The following CTDSPL2 variants were observed in gnomAD, a reference collection of about 807,000 sequenced individuals.
The protein encoded by CTDSPL2 is CTD small phosphatase like 2.
CTDSPL2 carries 5 observed loss-of-function variants against 60.0 expected under a neutral mutation model. The observed-to-expected ratio is 0.08, with a 90% CI of 0.04 to 0.18. The LOEUF is 0.18. Ranked by LOEUF, CTDSPL2 falls within the 10% of genes least tolerant of loss-of-function variation. The pLI, the probability that CTDSPL2 is intolerant of heterozygous loss-of-function variation, is 1.00. For synonymous variants in CTDSPL2, 186 were observed against 189.3 expected (o/e 0.98, Z 0.14); for missense variants, 370 against 548.8 (o/e 0.67, Z 3.26).
intron 2 of CTDSPL2, among the ~76,000 whole-genome samples, chr15:44,474,326 A>G (rs1034067611): frequency 3.3e-5 from 5 of 152,036 alleles, no homozygotes; most frequent in African/African-American, 1.2e-4. Flanking sequence ...CCCTATCTCT[A>G]ATAAAGTACA....
intron 2 of CTDSPL2, among the ~76,000 whole-genome samples, chr15:44,470,097 CAAAAAAAAA>C (rs886463524): frequency 5.5e-5 from 3 of 54,152 alleles, no homozygotes; most frequent in Admixed American, 2.0e-4. Flanking sequence ...GACTCTGTCT[CAAAAAAAAA>C]AAAAAAAAAA....
intron 1 of CTDSPL2, among the ~76,000 whole-genome samples, chr15:44,444,074 T>A (rs1333456363): frequency 6.6e-6 from 1 of 151,542 alleles, no homozygotes; most frequent in Admixed American, 6.6e-5. Context: ...CCTGGCTAAT[T>A]TTTTTAGTTT....
At chr15:44,442,950 C>G (rs1285621021) in intron 1 of CTDSPL2, among the ~76,000 whole-genome samples, 3 of 151,764 alleles carry the variant, frequency 2.0e-5, no homozygotes, top group Admixed American at 2.0e-4. Flanking sequence ...GCACTCCAGC[C>G]TGGGTGACAG....
At chr15:44,523,388 CTACATACATACATACATACATACA>C (rs61461067) in intron 12 of CTDSPL2, among the ~76,000 whole-genome samples, 5,724 of 145,088 alleles carry the variant, frequency 0.039, 158 homozygotes, top group Non-Finnish European at 0.058. Flanking sequence ...GACCTCATCT[CTACATACATACATACATACATACA>C]TACATACATA....
intron 2 of CTDSPL2, among the ~76,000 whole-genome samples, chr15:44,464,648 TCTGC>T (rs2140717506): frequency 6.6e-6 from 1 of 152,294 alleles, no homozygotes; most frequent in South Asian, 2.1e-4. Flanking sequence ...ATGGTCTGTG[TCTGC>T]ATCTTTACAG....
At chr15:44,451,696 G>C (rs919362533) in intron 1 of CTDSPL2, among the ~76,000 whole-genome samples, 5 of 151,990 alleles carry the variant, frequency 3.3e-5, no homozygotes, top group Admixed American at 2.6e-4. Flanking sequence ...TCTGATTCTT[G>C]ATTTTTCTCC....
intron 10 of CTDSPL2, among the ~76,000 whole-genome samples, chr15:44,516,444 CTT>C (rs1234340024): frequency 6.6e-6 from 1 of 152,100 alleles, no homozygotes; most frequent in Non-Finnish European, 1.5e-5. Flanking sequence ...GCTGTGGTAT[CTT>C]TTGTTTTTTA....
In CTDSPL2 at chr15:44,490,888, T is replaced by A; in HGVS notation, c.580T>A (p.Ser194Thr). 1.2e-6 allele frequency: 2 copies of A among 1,614,004 alleles called. No individual in the cohort carries two copies. Residue 194 changes from serine to threonine, a missense_variant, in exon 5 of 13, where the codon TCA becomes ACA. Around this residue, in one of 6 missense-constraint regions of CTDSPL2, gnomAD observed 287 missense variants for 296.1 expected, o/e 0.97. Coordinates refer to ENST00000260327, the MANE Select transcript of CTDSPL2 (RefSeq NM_016396.3). ...TGAGATCACTACCAGTACTACTACA[T>A]CAACTAATGGAGCAGCTTACTCAAA... ...VDEITTSTTT[S>T]TNGAAYSNQA...
chr15:44,521,726 C>T (rs901408529), intron 12 of CTDSPL2, among the ~76,000 whole-genome samples: 3 of 151,636 alleles, frequency 2.0e-5, no homozygotes, highest in Non-Finnish European at 4.4e-5. Context: ...ATCACGAGGT[C>T]AGGAGATCGA....
chr15:44,470,780 T>C (rs961919410), intron 2 of CTDSPL2, among the ~76,000 whole-genome samples: 1 of 152,192 alleles, frequency 6.6e-6, no homozygotes, highest in Non-Finnish European at 1.5e-5. Context: ...TTATATTTAA[T>C]GTAATTATTA....
intron 2 of CTDSPL2, among the ~76,000 whole-genome samples, chr15:44,473,255 A>G (rs565462689): frequency 6.6e-6 from 1 of 152,312 alleles, no homozygotes; most frequent in African/African-American, 2.4e-5. Context: ...TGGTATATCC[A>G]AGAAACTATT....
chr15:44,521,937 CAA>C (rs904398715), intron 12 of CTDSPL2, among the ~76,000 whole-genome samples: 3 of 60,758 alleles, frequency 4.9e-5, no homozygotes, highest in African/African-American at 2.5e-4. Context: ...GACTCCGTCT[CAA>C]AAAAAAAAAA....
At chr15:44,430,412 AT>A (rs546622053) in intron 1 of CTDSPL2, among the ~76,000 whole-genome samples, 1 of 151,982 alleles carries the variant, frequency 6.6e-6, no homozygotes, top group African/African-American at 2.4e-5. Context: ...CACCTGGCTA[AT>A]TTTTTTAGTT....
intron 11 of CTDSPL2, chr15:44,519,560 T>G (rs185387844): frequency 3.7e-6 from 1 of 272,408 alleles, no homozygotes; most frequent in Admixed American, 5.6e-5. Context: ...TCTTATCAGT[T>G]ATTAAATCAG....
At chr15:44,491,286 T>C (rs1218503812) in intron 5 of CTDSPL2, among the ~76,000 whole-genome samples, 5 of 152,228 alleles carry the variant, frequency 3.3e-5, no homozygotes, top group Non-Finnish European at 5.9e-5. Context: ...TATATGCTCA[T>C]GTTTATGAAT....
At chr15:44,452,170 A>C (rs1463427641) in intron 1 of CTDSPL2, among the ~76,000 whole-genome samples, 4 of 152,202 alleles carry the variant, frequency 2.6e-5, no homozygotes, top group African/African-American at 9.6e-5. Context: ...TATTCTGTAA[A>C]ATTTTGACAA....
chr15:44,447,099 T>G (rs1369272781), intron 1 of CTDSPL2, among the ~76,000 whole-genome samples: 1 of 152,208 alleles, frequency 6.6e-6, no homozygotes, highest in Non-Finnish European at 1.5e-5. Flanking sequence ...TATGTGGAAA[T>G]TTTTACTTAA....
intron 1 of CTDSPL2, among the ~76,000 whole-genome samples, chr15:44,444,225 T>C (rs987914592): frequency 6.6e-6 from 1 of 151,308 alleles, no homozygotes; most frequent in African/African-American, 2.4e-5. Flanking sequence ...ATTTATCTGT[T>C]TTTCTTTTTG....
chr15:44,448,625 G>A (rs532477695), intron 1 of CTDSPL2: 3 of 310,098 alleles, frequency 9.7e-6, no homozygotes, highest in African/African-American at 6.8e-5. Context: ...CCGCCACCAT[G>A]GGGGTCCCTC....
Sources: gnomAD v4.1 joint callset for allele counts (sites outside exome capture counted in the v4.1 genomes callset) on GRCh38, gnomAD v4.1.1 for gene constraint, gnomAD v4.1.1 regional missense constraint, MANE v1.5 for transcripts, NCBI Gene and HGNC (gene_info 2026-07-23, HGNC 2026-07-21) for gene names.